Variants in SNX29 observed in about 807,000 individuals in gnomAD.
SNX29 encodes sorting nexin 29, also known as sorting nexin-29.
Under a neutral mutation model 102.1 loss-of-function variants are expected in SNX29, and 78 were observed. The ratio of observed to expected loss-of-function variants is 0.76; its 90% CI spans 0.64 to 0.92. The LOEUF is 0.92. Ranked by LOEUF, SNX29 falls within the 40% of genes least tolerant of loss-of-function variation. The probability of loss-of-function intolerance (pLI) is 0.00; values close to 1 mark genes in which losing one functional copy is unlikely to be tolerated. For synonymous variants in SNX29, 580 were observed against 414.5 expected, an observed-to-expected ratio of 1.40 and a Z score of -4.85; for missense variants, 1,280 against 1,061.7, an observed-to-expected ratio of 1.21 and a Z score of -2.86.
At chr16:12,256,771 T>C (rs111858183) in intron 14 of SNX29, among the ~76,000 whole-genome samples, 12 of 152,202 alleles carry the variant, frequency 7.9e-5, no homozygotes, top group Non-Finnish European at 1.6e-4. Flanking sequence ...TCCATTTTAC[T>C]GGGAATCACG....
At chr16:12,077,061 G>A (rs561394765) in intron 10 of SNX29, among the ~76,000 whole-genome samples, 1 of 152,142 alleles carries the variant, frequency 6.6e-6, no homozygotes, top group Non-Finnish European at 1.5e-5. Context: ...ATTACTTGAG[G>A]CCGGGAGTTC....
At chr16:12,085,990 A>G in intron 11 of SNX29, among the ~76,000 whole-genome samples, 1 of 148,950 alleles carries the variant, frequency 6.7e-6, no homozygotes, top group South Asian at 2.1e-4. Flanking sequence ...TTACTCCAAA[A>G]CCTACACTCT....
intron 15 of SNX29, among the ~76,000 whole-genome samples, chr16:12,349,533 G>C (rs543884192): frequency 6.6e-6 from 1 of 152,330 alleles, no homozygotes; most frequent in Non-Finnish European, 1.5e-5. Context: ...ATGCTCAAAG[G>C]AAATGCTCAT....
chr16:12,493,482 C>G (rs1242251521), intron 19 of SNX29, among the ~76,000 whole-genome samples: 6 of 151,926 alleles, frequency 3.9e-5, no homozygotes, highest in African/African-American at 1.5e-4. Context: ...CATCTGCAAA[C>G]AGGGACAATT....
At chr16:12,214,475 G>A (rs1331450213) in intron 14 of SNX29, among the ~76,000 whole-genome samples, 1 of 152,130 alleles carries the variant, frequency 6.6e-6, no homozygotes, top group Non-Finnish European at 1.5e-5. Context: ...TCTATTTTAA[G>A]TTTCTAATTG....
At chr16:12,546,371 C>T (rs1182403368) in intron 20 of SNX29, 3 of 151,886 alleles carry the variant, frequency 2.0e-5, no homozygotes, top group African/African-American at 7.2e-5. Context: ...GGAGGCCTCA[C>T]AATCACCGTG....
At chr16:11,993,378 A>T (rs2055929306) in intron 1 of SNX29, among the ~76,000 whole-genome samples, 1 of 152,090 alleles carries the variant, frequency 6.6e-6, no homozygotes, top group African/African-American at 2.4e-5. Context: ...CCAGGGCAGC[A>T]AACACAGAGG....
At chr16:12,518,678 A>G (rs1017419311) in intron 19 of SNX29, among the ~76,000 whole-genome samples, 3 of 152,174 alleles carry the variant, frequency 2.0e-5, no homozygotes, top group African/African-American at 4.8e-5. Flanking sequence ...CTCCTCGAGG[A>G]AAAGGATCCC....
intron 1 of SNX29, among the ~76,000 whole-genome samples, chr16:11,984,981 A>G (rs1401946054): frequency 1.3e-5 from 2 of 151,866 alleles, no homozygotes; most frequent in African/African-American, 2.4e-5. Flanking sequence ...TGTTTCTGTT[A>G]TAAGTAATGA....
intron 13 of SNX29, among the ~76,000 whole-genome samples, chr16:12,149,483 C>T (rs60522421): frequency 0.029 from 4,417 of 152,188 alleles, 139 homozygotes; most frequent in East Asian, 0.2. Flanking sequence ...TTTTGTTACC[C>T]GGGGTCATGA....
chr16:12,007,649 A>G (rs761280627), intron 3 of SNX29, among the ~76,000 whole-genome samples: 3 of 152,098 alleles, frequency 2.0e-5, no homozygotes, highest in Non-Finnish European at 4.4e-5. Flanking sequence ...TTGAGCTCAA[A>G]TCCACTCACT....
At chr16:12,336,884 T>C (rs920553900) in intron 15 of SNX29, among the ~76,000 whole-genome samples, 2 of 152,196 alleles carry the variant, frequency 1.3e-5, no homozygotes, top group South Asian at 2.1e-4. Context: ...AAGTTGTGGC[T>C]GCAGTGAGCT....
At chr16:12,074,124 A>G (rs1467605507) in intron 10 of SNX29, among the ~76,000 whole-genome samples, 1 of 150,740 alleles carries the variant, frequency 6.6e-6, no homozygotes, top group East Asian at 1.9e-4. Context: ...TCTTTATCCA[A>G]TTTGCCAGTC....
intron 11 of SNX29, among the ~76,000 whole-genome samples, chr16:12,080,379 C>G: frequency 6.6e-6 from 1 of 152,114 alleles, no homozygotes; most frequent in East Asian, 1.9e-4. Context: ...GTGTGGTTTA[C>G]TGTGGCGCTG....
chr16:12,141,841 T>G (rs1279367570), intron 13 of SNX29, among the ~76,000 whole-genome samples: 1 of 152,226 alleles, frequency 6.6e-6, no homozygotes, highest in Non-Finnish European at 1.5e-5. Context: ...TCATGGTCTT[T>G]GTGACCTGTA....
intron 14 of SNX29, among the ~76,000 whole-genome samples, chr16:12,210,249 C>T (rs888272058): frequency 1.3e-5 from 2 of 151,894 alleles, no homozygotes; most frequent in Non-Finnish European, 2.9e-5. Flanking sequence ...CATGCCTTTA[C>T]TTGCTGGATT....
intron 19 of SNX29, among the ~76,000 whole-genome samples, chr16:12,507,766 C>T (rs933103788): frequency 1.3e-5 from 2 of 152,084 alleles, no homozygotes; most frequent in South Asian, 2.1e-4. Context: ...GTTAAAATAA[C>T]CCCTTTACCT....
In SNX29 at chr16:12,427,648, C is replaced by T. The variant is rs554190138; in HGVS notation, c.2037+24119C>T. ...CGGCCATGCTTGGAGGTTAATAAAA[C>T]GGCCAGAGACAATGCCTGTGCCAGG... On this transcript the variant is annotated intron_variant, in intron 18 of 20. Coordinates refer to ENST00000566228, the MANE Select transcript of SNX29 (RefSeq NM_032167.5). 1.6e-4 allele frequency among the ~76,000 whole-genome samples: 25 copies of T among 152,286 alleles called. No individual in the cohort carries two copies. In the South Asian group the frequency reaches 3.3e-3, roughly 20 times the overall value.
intron 13 of SNX29, among the ~76,000 whole-genome samples, chr16:12,132,064 C>T (rs369205392): frequency 9.9e-5 from 15 of 151,246 alleles, no homozygotes; most frequent in South Asian, 4.2e-4. Flanking sequence ...GGTTCTGGTT[C>T]TTAGTCAGCA....
Sources: allele counts gnomAD v4.1 joint callset (sites outside exome capture counted in the v4.1 genomes callset), GRCh38; gene constraint gnomAD v4.1.1; transcripts MANE v1.5; gene names NCBI Gene and HGNC (gene_info 2026-07-23, HGNC 2026-07-21).